Variants in PPP6R3 observed in about 807,000 individuals in gnomAD.
The protein encoded by PPP6R3 is serine/threonine-protein phosphatase 6 regulatory subunit 3.
In PPP6R3, 38 loss-of-function variants were observed where a neutral mutation model predicts 110.7. The observed-to-expected ratio is 0.34, with a 90% CI of 0.26 to 0.45. The LOEUF is 0.45. Ranked by LOEUF, PPP6R3 falls within the 20% of genes least tolerant of loss-of-function variation. The pLI is 1.00. For synonymous variants in PPP6R3, 369 were observed against 373.5 expected, an observed-to-expected ratio of 0.99 and a Z score of 0.14; for missense variants, 870 against 1,062.4, an observed-to-expected ratio of 0.82 and a Z score of 2.52.
intron 1 of PPP6R3, among the ~76,000 whole-genome samples, chr11:68,466,553 C>G (rs1169189138): frequency 2.0e-5 from 3 of 151,872 alleles, no homozygotes; most frequent in African/African-American, 4.8e-5. Context: ...ATTCTCCTGC[C>G]TCAGCCTCCC....
chr11:68,541,251 C>T (rs903177395), intron 3 of PPP6R3, among the ~76,000 whole-genome samples: 2 of 152,140 alleles, frequency 1.3e-5, no homozygotes, highest in Non-Finnish European at 2.9e-5. Flanking sequence ...CAACCTGTGC[C>T]ATAGTCTGAC....
intron 19 of PPP6R3, among the ~76,000 whole-genome samples, chr11:68,598,626 CTG>C (rs2099621268): frequency 6.6e-6 from 1 of 152,188 alleles, no homozygotes; most frequent in African/African-American, 2.4e-5. Context: ...CCACCAGTCT[CTG>C]TGGCTTCTGT....
intron 1 of PPP6R3, among the ~76,000 whole-genome samples, chr11:68,493,167 TGC>T (rs1312039739): frequency 1.3e-5 from 2 of 152,230 alleles, no homozygotes; most frequent in East Asian, 3.8e-4. Context: ...AGGGTCTAAG[TGC>T]TAATGAGCCT....
At chr11:68,510,090 A>G (rs1462563523) in intron 1 of PPP6R3, among the ~76,000 whole-genome samples, 1 of 97,846 alleles carries the variant, frequency 1.0e-5, no homozygotes, top group Admixed American at 1.6e-4. Flanking sequence ...AGTTTTGTAG[A>G]GGTGGGGGTC....
chr11:68,510,474 A>G (rs1269366266), intron 1 of PPP6R3, among the ~76,000 whole-genome samples: 1 of 152,068 alleles, frequency 6.6e-6, no homozygotes, highest in Non-Finnish European at 1.5e-5. Flanking sequence ...AGCTGGGACC[A>G]CAGGCGTGTG....
intron 3 of PPP6R3, among the ~76,000 whole-genome samples, chr11:68,540,671 A>G (rs901074556): frequency 6.7e-5 from 10 of 149,334 alleles, no homozygotes; most frequent in South Asian, 2.1e-4. Flanking sequence ...TGCACTGACC[A>G]TAAGAGATGA....
chr11:68,613,274 AC>A lies in PPP6R3; in HGVS notation c.*158del. On this transcript the variant is annotated 3_prime_UTR_variant, in exon 24 of 24. Transcript: ENST00000393800. ...TATATTCTAGATTCTAAGACATTGT[AC>A]AGAGAAATTCAGAAGTGTAAAAATA... 1 of 1,383,956 alleles carries A rather than the reference AC, an allele frequency of 7.2e-7. No homozygotes were observed. The highest frequency in any genetic ancestry group is 9.3e-7 in the Non-Finnish European group (1 of 1,071,406). 85.7% of individuals were successfully genotyped at this position (1,383,956 alleles called of 1,614,324 possible).
rs1477113706 is a variant in PPP6R3, at chr11:68,614,928, G to T, written c.*1811G>T. ...GTGAGTTTTGCCAGCCATGGCCAGG[G>T]TTTGGCTCCACTGGTGGCACACGTG... On this transcript the variant is annotated 3_prime_UTR_variant, in exon 24 of 24. Coordinates refer to ENST00000393800, the MANE Select transcript of PPP6R3 (RefSeq NM_001164161.2). 2.9e-6 allele frequency: 2 copies of T among 689,348 alleles called. No homozygotes were observed. The highest frequency in any genetic ancestry group is 2.4e-4 in the Middle Eastern group (1 of 4,178). 42.7% of individuals were successfully genotyped at this position (689,348 alleles called of 1,614,324 possible).
chr11:68,579,784 C>T (rs1339940177), intron 14 of PPP6R3, among the ~76,000 whole-genome samples: 1 of 152,194 alleles, frequency 6.6e-6, no homozygotes, highest in Non-Finnish European at 1.5e-5. Flanking sequence ...TGTAGATACA[C>T]AAATACTTAT....
In PPP6R3 at chr11:68,614,374, G is replaced by T. The variant is rs996763448; in HGVS notation, c.*1257G>T. 2 of 1,237,204 alleles carry T rather than the reference G, an allele frequency of 1.6e-6. No individual in the cohort carries two copies. Among genetic ancestry groups the T allele is most frequent in the Non-Finnish European group, 2.0e-6 (2 of 986,180 alleles). The allele number at this position is 1,237,204 out of a possible 1,614,324, so 76.6% of individuals were successfully genotyped here. A position where few individuals can be genotyped will look rare whatever the true frequency, so the allele number is the denominator to read the frequency against. The stretch of plus-strand genomic sequence containing the variant: ...ATATTGCCATATCGTCTGGTGAAAG[G>T]GTTAAATTACTTCACCTCTTGCACT... On this transcript the variant is annotated 3_prime_UTR_variant, in exon 24 of 24. Coordinates refer to ENST00000393800, the MANE Select transcript of PPP6R3 (RefSeq NM_001164161.2).
At chr11:68,522,980 GCTGTTTTCC>G (rs1300846620) in intron 2 of PPP6R3, among the ~76,000 whole-genome samples, 1 of 152,180 alleles carries the variant, frequency 6.6e-6, no homozygotes, top group Non-Finnish European at 1.5e-5. Flanking sequence ...TCATCACATA[GCTGTTTTCC>G]CTTATTTCCA....
chr11:68,487,742 C>G (rs149352326), intron 1 of PPP6R3, among the ~76,000 whole-genome samples: 52 of 152,162 alleles, frequency 3.4e-4, no homozygotes, highest in Middle Eastern at 6.8e-3. Context: ...TCATTGTGGT[C>G]TGAGAGTACA....
At chr11:68,498,714 G>A (rs1339824774) in intron 1 of PPP6R3, among the ~76,000 whole-genome samples, 4 of 152,204 alleles carry the variant, frequency 2.6e-5, no homozygotes, top group Non-Finnish European at 5.9e-5. Context: ...ATATGAAATT[G>A]TTCTGTTGTT....
intron 15 of PPP6R3, among the ~76,000 whole-genome samples, chr11:68,584,053 T>G (rs1446899445): frequency 6.6e-6 from 1 of 152,260 alleles, no homozygotes; most frequent in African/African-American, 2.4e-5. Context: ...TTGATTTTAA[T>G]ACTCAGACAG....
chr11:68,542,686 G>A (rs936921829), intron 3 of PPP6R3, among the ~76,000 whole-genome samples: 7 of 152,136 alleles, frequency 4.6e-5, no homozygotes, highest in Admixed American at 6.6e-5. Flanking sequence ...GCGCCACCGC[G>A]CTCGGCCTTG....
At chr11:68,532,995 G>C (rs4930231) in intron 2 of PPP6R3, among the ~76,000 whole-genome samples, 1 of 152,240 alleles carries the variant, frequency 6.6e-6, no homozygotes, top group African/African-American at 2.4e-5. Flanking sequence ...TGTGTAGTCT[G>C]GGTTGTGAAT....
chr11:68,609,340 T>C, intron 22 of PPP6R3: 2 of 628,110 alleles, frequency 3.2e-6, no homozygotes, highest in Non-Finnish European at 5.7e-6. Flanking sequence ...TGAAATCCGA[T>C]GCAGTCAACA....
chr11:68,474,043 C>CTTTTTTT (rs34322224), intron 1 of PPP6R3, among the ~76,000 whole-genome samples: 1 of 136,370 alleles, frequency 7.3e-6, no homozygotes. Context: ...AAGCAATTAC[C>CTTTTTTT]TTTTTTTTTT....
intron 9 of PPP6R3, among the ~76,000 whole-genome samples, chr11:68,566,237 GGCTGCTGCTGCT>G (rs59680768): frequency 2.0e-5 from 3 of 151,270 alleles, no homozygotes; most frequent in East Asian, 2.0e-4. Flanking sequence ...CCACCACCAC[GGCTGCTGCTGCT>G]GCTGCTGCTG....
Sources: gnomAD v4.1 joint callset for allele counts (sites outside exome capture counted in the v4.1 genomes callset) on GRCh38, gnomAD v4.1.1 for gene constraint, MANE v1.5 for transcripts, NCBI Gene and HGNC (gene_info 2026-07-23, HGNC 2026-07-21) for gene names.